Variants in PAPPA observed in about 807,000 individuals in gnomAD.
The protein encoded by PAPPA is pappalysin 1, also known as pappalysin-1.
In PAPPA, 60 loss-of-function variants were observed where a neutral mutation model predicts 164.0. The observed-to-expected ratio is 0.37, with a 90% CI of 0.30 to 0.45. The LOEUF is 0.45. PAPPA is among the 20% of genes least tolerant of loss of function. The probability of loss-of-function intolerance (pLI) is 1.00; values close to 1 mark genes in which losing one functional copy is unlikely to be tolerated. For missense variants in PAPPA, 1,782 were observed against 2,087.3 expected (o/e 0.85, Z 2.85); for synonymous variants, 875 against 814.1 (o/e 1.07, Z -1.27).
At chr9:116,342,122 G>A (rs376326960) in intron 13 of PAPPA, among the ~76,000 whole-genome samples, 10 of 152,170 alleles carry the variant, frequency 6.6e-5, no homozygotes, top group South Asian at 6.2e-4. Flanking sequence ...CCTTCTGAGC[G>A]TGCAGAGTAA....
chr9:116,288,227 A>AGTGTAGTG (rs1845365710), intron 9 of PAPPA, among the ~76,000 whole-genome samples: 1 of 151,952 alleles, frequency 6.6e-6, no homozygotes, highest in South Asian at 2.1e-4. Flanking sequence ...AAATTAGCCG[A>AGTGTAGTG]GTGTAGTGGT....
chr9:116,376,811 C>T lies in PAPPA; in HGVS notation c.4606-765C>T, dbSNP rs10283895. 6.7e-3 allele frequency among the ~76,000 whole-genome samples: 1,021 copies of T among 152,174 alleles called. 7 individuals carry two copies. Among genetic ancestry groups the T allele is most frequent in the African/African-American group, 0.018 (757 of 41,530 alleles). ...ATTCAGGGAAGGGGAAGAGCAAGAA[C>T]GAATTCACTGTGGGCAACCTCAGAG... On this transcript the variant is annotated intron_variant, in intron 19 of 21. Coordinates refer to ENST00000328252, the MANE Select transcript of PAPPA (RefSeq NM_002581.5).
At chr9:116,195,663 G>C (rs1844095358) in intron 2 of PAPPA, among the ~76,000 whole-genome samples, 1 of 152,198 alleles carries the variant, frequency 6.6e-6, no homozygotes, top group African/African-American at 2.4e-5. Flanking sequence ...ACATAGTGAA[G>C]TCTGAAAATA....
At chr9:116,210,623 A>G (rs1362970279) in intron 3 of PAPPA, among the ~76,000 whole-genome samples, 1 of 152,204 alleles carries the variant, frequency 6.6e-6, no homozygotes, top group Non-Finnish European at 1.5e-5. Context: ...TGAACACAGC[A>G]CAAATACTAC....
Position 116,154,391 on chromosome 9 carries a change from C to T in PAPPA, c.219C>T (p.Arg73=). The part of the protein sequence containing the change: ...PPPGGAWEAV[R]VPRRRQQREA... ...CGGGCGGTGCCTGGGAAGCCGTGCGCGTCCCCCGGCGGCGGCAGCAGCGGG... is the reference window on the plus strand; with the variant it reads ...CGGGCGGTGCCTGGGAAGCCGTGCGTGTCCCCCGGCGGCGGCAGCAGCGGG... The change falls in exon 1 of 22, where the codon CGC becomes CGT. Residue 73 remains arginine, a synonymous_variant. Transcript: ENST00000328252. The surrounding 1 kb of genome is among the most constrained non-coding windows in gnomAD (Gnocchi z 5.2). 2 of 1,114,418 alleles carry T rather than the reference C, an allele frequency of 1.8e-6. No individual in the cohort carries two copies. The highest frequency in any genetic ancestry group is 2.3e-6 in the Non-Finnish European group (2 of 879,356). The allele number at this position is 1,114,418 out of a possible 1,614,324, so 69.0% of individuals were successfully genotyped here. A position where few individuals can be genotyped will look rare whatever the true frequency, so the allele number is the denominator to read the frequency against.
intron 2 of PAPPA, among the ~76,000 whole-genome samples, chr9:116,195,356 GA>G (rs1554736230): frequency 7.0e-6 from 1 of 142,904 alleles, no homozygotes; most frequent in African/African-American, 2.5e-5. Flanking sequence ...ATTAAAAGAA[GA>G]ACTGTTCAAG....
intron 1 of PAPPA, among the ~76,000 whole-genome samples, chr9:116,155,292 C>T (rs541931594): frequency 6.6e-6 from 1 of 152,312 alleles, no homozygotes; most frequent in African/African-American, 2.4e-5. Context: ...TTTATGAGCC[C>T]GTAATGAATT....
At chr9:116,262,253 A>C (rs1486158937) in intron 7 of PAPPA, among the ~76,000 whole-genome samples, 1 of 152,106 alleles carries the variant, frequency 6.6e-6, no homozygotes, top group Non-Finnish European at 1.5e-5. Flanking sequence ...TTCAAAATAG[A>C]CAAACAACTT....
chr9:116,187,820 A>G lies in PAPPA; in HGVS notation c.1082A>G (p.Tyr361Cys), dbSNP rs769533298. Residue 361 changes from tyrosine to cysteine, a missense_variant, in exon 2 of 22, where the codon TAT becomes TGT. Physicochemically the swap from Tyr to Cys is radical, Grantham distance 194. Coordinates refer to ENST00000328252, the MANE Select transcript of PAPPA (RefSeq NM_002581.5). This position sits in a 1 kb window ranked among gnomAD's most constrained non-coding sequence, Gnocchi z 4.2. ...KVVRYRVVNL[Y>C]EDDHKNPTVT... ...GTGCGCTACCGCGTGGTCAACCTCT[A>G]TGAAGATGATCATAAGAACCCGACG... 1.9e-6 allele frequency: 3 copies of G among 1,614,252 alleles called. No individual in the cohort carries two copies. The highest frequency in any genetic ancestry group is 4.5e-5 in the East Asian group (2 of 44,880).
In PAPPA at chr9:116,400,104, G is replaced by A. The variant is rs974997880; in HGVS notation, c.*3488G>A. ...GTTTTGAGGTTTTGTGTTTTTTTCT[G>A]GAACTACTTCAAGTGAGAAAATAAA... On this transcript the variant is annotated 3_prime_UTR_variant, in exon 22 of 22. Transcript: ENST00000328252. 2 of 152,158 alleles carry A rather than the reference G, an allele frequency of 1.3e-5. No homozygotes were observed. The highest frequency in any genetic ancestry group is 2.9e-5 in the Non-Finnish European group (2 of 67,990). The allele number at this position is 152,158 out of a possible 1,614,324, so 9.4% of individuals were successfully genotyped here. A position where few individuals can be genotyped will look rare whatever the true frequency, so the allele number is the denominator to read the frequency against.
chr9:116,271,356 A>G lies in PAPPA; in HGVS notation c.2893A>G (p.Lys965Glu). The G allele has an allele frequency of 2.5e-6, 4 of 1,614,082 alleles. No individual in the cohort carries two copies. Among genetic ancestry groups the G allele is most frequent in the Non-Finnish European group, 3.4e-6 (4 of 1,179,922 alleles). The change falls in exon 9 of 22, where the codon AAG becomes GAG. Residue 965 changes from lysine to glutamate, a missense_variant. Around this residue, in one of 2 missense-constraint regions of PAPPA, gnomAD observed 1,324 missense variants for 1,656.9 expected, o/e 0.80. Transcript: ENST00000328252. This position sits in a 1 kb window ranked among gnomAD's most constrained non-coding sequence, Gnocchi z 4.2. ...DQGEQCDDMN[K>E]INGDGCSLFC... ...AGGTGAACAATGCGACGACATGAAT[A>G]AGATCAATGGTGATGGCTGCTCCCT...
chr9:116,296,009 A>T (rs1412981381), intron 9 of PAPPA, among the ~76,000 whole-genome samples: 1 of 152,206 alleles, frequency 6.6e-6, no homozygotes, highest in African/African-American at 2.4e-5. Flanking sequence ...TCACTCCTAA[A>T]ATCTCCAGAA....
intron 9 of PAPPA, among the ~76,000 whole-genome samples, chr9:116,296,387 G>A (rs970181063): frequency 6.6e-6 from 1 of 152,122 alleles, no homozygotes; most frequent in Non-Finnish European, 1.5e-5. Context: ...TTCATTTGTT[G>A]TTTATCTAGT....
rs1221492857 is a variant in PAPPA at position 116,188,050 on chromosome 9, G to T, written c.1312G>T (p.Gly438Trp). The part of the protein sequence containing the change: ...CNHTLTGHDG[G>W]DCRHLRHPAF... ...CCACACGCTGACGGGCCACGACGGC[G>T]GGGATTGCCGCCACCTGCGCCACCC... is the stretch of plus-strand genomic sequence containing the variant. Residue 438 changes from glycine (G) to tryptophan (W), a missense_variant, in exon 2 of 22, where the codon GGG becomes TGG. Transcript: ENST00000328252. 1.2e-6 allele frequency: 2 copies of T among 1,614,040 alleles called. No individual in the cohort carries two copies. Among genetic ancestry groups the T allele is most frequent in the Non-Finnish European group, 1.7e-6 (2 of 1,180,050 alleles).
At chr9:116,370,335 G>C (rs1319431006) in intron 19 of PAPPA, among the ~76,000 whole-genome samples, 1 of 152,132 alleles carries the variant, frequency 6.6e-6, no homozygotes, top group Non-Finnish European at 1.5e-5. Context: ...GCTTCCAGTG[G>C]AAGTAATGGA....
chr9:116,220,479 TTATATTA>T (rs1185094775), intron 5 of PAPPA, among the ~76,000 whole-genome samples: 1 of 148,624 alleles, frequency 6.7e-6, no homozygotes, highest in Non-Finnish European at 1.5e-5. Flanking sequence ...AACATTTATA[TTATATTA>T]TATATTATAT....
At chr9:116,196,123 G>A (rs1344468813) in intron 2 of PAPPA, among the ~76,000 whole-genome samples, 1 of 152,106 alleles carries the variant, frequency 6.6e-6, no homozygotes, top group Admixed American at 6.6e-5. Context: ...GCTCTCTCCT[G>A]GCCTGGGACT....
At position 116,179,282 on chromosome 9, in the gene PAPPA, A is replaced by G. The variant is rs142346193; in HGVS notation, c.416-7872A>G. ...ACAGTTCCTGGCAAGGAAGAAGAAT[A>G]CAGGCAGGAGAACAGACACAGGTGC... On this transcript the variant is annotated intron_variant, in intron 1 of 21. Transcript: ENST00000328252. Among the ~76,000 whole-genome samples, 406 of 152,276 alleles carry G rather than the reference A, an allele frequency of 2.7e-3. 2 individuals carry two copies. The highest frequency in any genetic ancestry group is 9.5e-3 in the African/African-American group (396 of 41,548).
chr9:116,210,803 C>T (rs1242018309), intron 3 of PAPPA, among the ~76,000 whole-genome samples: 1 of 152,060 alleles, frequency 6.6e-6, no homozygotes, highest in African/African-American at 2.4e-5. Context: ...GGGTGAGGCC[C>T]GAGATTCTGC....
Sources: allele counts gnomAD v4.1 joint callset (sites outside exome capture counted in the v4.1 genomes callset), GRCh38; gene constraint gnomAD v4.1.1; regional missense constraint gnomAD v4.1.1; non-coding constraint Gnocchi (gnomAD v3.1); transcripts MANE v1.5; gene names NCBI Gene and HGNC (gene_info 2026-07-23, HGNC 2026-07-21).